NELFCD: variants seen among roughly 807,000 people sequenced by gnomAD.
NELFCD encodes negative elongation factor C/D.
Under a neutral mutation model 72.9 loss-of-function variants are expected in NELFCD, and 48 were observed. That is an observed-to-expected ratio of 0.66 (90% confidence interval 0.52 to 0.84). NELFCD has a LOEUF of 0.84. Among genes scored for constraint, NELFCD ranks in the 40% least tolerant of loss-of-function variants. The probability of loss-of-function intolerance (pLI) is 0.00; values close to 1 mark genes in which losing one functional copy is unlikely to be tolerated. For missense variants in NELFCD, 538 were observed against 723.8 expected (o/e 0.74, Z 2.94); for synonymous variants, 297 against 280.6 (o/e 1.06, Z -0.59).
rs1340446786 is a variant in NELFCD at position 58,992,056 on chromosome 20, T to A, written c.1229+36T>A. On this transcript the variant is annotated intron_variant, in intron 10 of 14. Coordinates refer to ENST00000652272, the MANE Select transcript of NELFCD (RefSeq NM_198976.4). Reference sequence around the variant, plus strand: ...CGAAACTCAGTTCTTAAATCAGTCCTTTGGGGAGGAGGTCGTTTGAGTTTT... The same window carrying A: ...CGAAACTCAGTTCTTAAATCAGTCCATTGGGGAGGAGGTCGTTTGAGTTTT... 3.8e-6 allele frequency: 6 copies of A among 1,558,782 alleles called. No individual in the cohort carries two copies. In the South Asian group the frequency reaches 6.0e-5, roughly 16 times the overall value.
In NELFCD at chr20:58,989,562, G is replaced by T. The variant is rs543319457; in HGVS notation, c.579G>T (p.Ser193=). 1.2e-6 allele frequency: 2 copies of T among 1,614,140 alleles called. No homozygotes were observed. Among genetic ancestry groups the T allele is most frequent in the Non-Finnish European group, 1.7e-6 (2 of 1,180,024 alleles). ...CATGCCAGCAGCTAGAAGTGTTCTC[G>T]AGAGTGCTCCGGACCTCTCTAGCTA... ...STACQQLEVF[S]RVLRTSLATI... Residue 193 remains serine (S), a synonymous_variant, in exon 6 of 15, where the codon TCG becomes TCT. Transcript: ENST00000652272.
intron 4 of NELFCD, 77 bp downstream of exon 4, chr20:58,987,894 C>A: frequency 9.3e-7 from 1 of 1,073,788 alleles, no homozygotes; most frequent in Non-Finnish European, 1.4e-6. Flanking sequence ...TGGAGCGTGG[C>A]ATATCATGTA....
intron 4 of NELFCD, 77 bp from the exon 5 acceptor site, chr20:58,988,837 T>A (rs1041755827): frequency 1.9e-6 from 2 of 1,063,402 alleles, no homozygotes; most frequent in Non-Finnish European, 2.9e-6. Context: ...TCTCCTGTGA[T>A]CGTTTATACA....
intron 10 of NELFCD, among the ~76,000 whole-genome samples, chr20:58,992,675 A>T (rs163783): frequency 1.3e-3 from 203 of 152,038 alleles, no homozygotes; most frequent in African/African-American, 4.3e-3. Flanking sequence ...GCAAGAAAAT[A>T]GTTTGAGCCC....
At position 58,994,146 on chromosome 20, in the gene NELFCD, T is replaced by C; in HGVS notation, c.1618T>C (p.Phe540Leu). The change falls in exon 14 of 15, where the codon TTC (phenylalanine) becomes CTC (leucine). Residue 540 changes from phenylalanine (F) to leucine (L), a missense_variant. Around this residue, in one of 3 missense-constraint regions of NELFCD, gnomAD observed 136 missense variants for 154.0 expected, o/e 0.88. Transcript: ENST00000652272. Reference sequence around the variant, plus strand: ...CATTGCTCCTCCTTATACCTCTGACTTCGTGCAACTTTTCCTCCCCATCCT... The same window carrying C: ...CATTGCTCCTCCTTATACCTCTGACCTCGTGCAACTTTTCCTCCCCATCCT... ...DVIAPPYTSD[F>L]VQLFLPILEN... The C allele has an allele frequency of 1.2e-6, 2 of 1,614,214 alleles. No individual in the cohort carries two copies. The highest frequency in any genetic ancestry group is 1.7e-6 in the Non-Finnish European group (2 of 1,180,022).
intron 10 of NELFCD, 125 bp from the exon 11 acceptor site, chr20:58,992,873 G>C (rs2091827945): frequency 9.2e-6 from 6 of 655,278 alleles, no homozygotes; most frequent in Non-Finnish European, 1.6e-5. Context: ...AAAAGGGTTG[G>C]GGGGCGTATT....
At chr20:58,990,856 C>T (rs1043416) in intron 7 of NELFCD, 54 bp from the exon 8 acceptor site, 2 of 1,495,570 alleles carry the variant, frequency 1.3e-6, no homozygotes, top group Non-Finnish European at 1.8e-6. Flanking sequence ...TAAAAAAGAA[C>T]AGAAAAAAGA....
chr20:58,986,667 AAACCTGAT>A lies in NELFCD; in HGVS notation c.177-86_177-79del. The A allele has an allele frequency of 1.0e-6, 1 of 977,336 alleles. No individual in the cohort carries two copies. The highest frequency in any genetic ancestry group is 1.7e-5 in the Admixed American group (1 of 58,620). The allele number at this position is 977,336 out of a possible 1,614,324, so 60.5% of individuals were successfully genotyped here. On this transcript the variant is annotated intron_variant, in intron 2 of 14. Coordinates refer to ENST00000652272, the MANE Select transcript of NELFCD (RefSeq NM_198976.4). This position sits in a 1 kb window ranked among gnomAD's most constrained non-coding sequence, Gnocchi z 4.4. ...CCCCTCCGCTGCTTTAAAAATTTTG[AAACCTGAT>A]TCTCTTCCTCCTTCCTTACCTTCCT... is the stretch of plus-strand genomic sequence containing the variant.
chr20:58,986,470 G>T lies in NELFCD; in HGVS notation c.176+262G>T. On this transcript the variant is annotated intron_variant, in intron 2 of 14. Coordinates refer to ENST00000652272, the MANE Select transcript of NELFCD (RefSeq NM_198976.4). This position sits in a 1 kb window ranked among gnomAD's most constrained non-coding sequence, Gnocchi z 4.4. The stretch of plus-strand genomic sequence containing the variant: ...AGTTCTCCCACCTCAGCCTTGCAAG[G>T]TGGCCACCACAGGCGTCTGCCATCA... 3.7e-6 allele frequency: 2 copies of T among 545,714 alleles called. No homozygotes were observed. The highest frequency in any genetic ancestry group is 6.4e-6 in the Non-Finnish European group (2 of 312,544). 33.8% of individuals were successfully genotyped at this position (545,714 alleles called of 1,614,324 possible).
At chr20:58,988,314 T>C (rs928326776) in intron 4 of NELFCD, among the ~76,000 whole-genome samples, 1 of 152,286 alleles carries the variant, frequency 6.6e-6, no homozygotes, top group Non-Finnish European at 1.5e-5. Context: ...TCCAGAACGT[T>C]CCAGCCATAT....
rs2091831638 is a variant in NELFCD, at chr20:58,993,397, G to A, written c.1345-52G>A. The A allele has an allele frequency of 2.2e-5, 34 of 1,553,142 alleles. No homozygotes were observed. Among genetic ancestry groups the A allele is most frequent in the Non-Finnish European group, 2.7e-5 (30 of 1,130,156 alleles). On this transcript the variant is annotated intron_variant, in intron 11 of 14. Coordinates refer to ENST00000652272, the MANE Select transcript of NELFCD (RefSeq NM_198976.4). This position sits in a 1 kb window ranked among gnomAD's most constrained non-coding sequence, Gnocchi z 5.0. ...CTGTGACAGTGCCCAGTTTCTCTGT[G>A]TGCTGAGCGTGACCACACTGCTCAG...
At chr20:58,988,296 G>C (rs577832921) in intron 4 of NELFCD, among the ~76,000 whole-genome samples, 16 of 152,326 alleles carry the variant, frequency 1.1e-4, no homozygotes, top group Non-Finnish European at 1.9e-4. Context: ...TTAGGCTGCA[G>C]TGCAGTTTCC....
chr20:58,985,317 G>A (rs2091763916), intron 1 of NELFCD, among the ~76,000 whole-genome samples: 1 of 152,204 alleles, frequency 6.6e-6, no homozygotes, highest in Non-Finnish European at 1.5e-5. Flanking sequence ...CTTCTTTGAT[G>A]GAAAAAGCCT....
chr20:58,983,678 C>T (rs776088835), intron 1 of NELFCD, among the ~76,000 whole-genome samples: 8 of 152,142 alleles, frequency 5.3e-5, no homozygotes, highest in Non-Finnish European at 1.0e-4. Flanking sequence ...TGCCCGCCTC[C>T]GCCTCTCAAA....
At position 58,994,800 on chromosome 20, in the gene NELFCD, G is replaced by C; in HGVS notation, c.*124G>C. ...AAATGGGCACCGCTGGGAGGAGGTG[G>C]ATGACTTCTTTACAAAGGAAAATGG... On this transcript the variant is annotated 3_prime_UTR_variant, in exon 15 of 15. Coordinates refer to ENST00000652272, the MANE Select transcript of NELFCD (RefSeq NM_198976.4). The C allele has an allele frequency of 1.3e-6, 1 of 773,774 alleles. No individual in the cohort carries two copies. The highest frequency in any genetic ancestry group is 1.5e-5 in the South Asian group (1 of 65,110). 47.9% of individuals were successfully genotyped at this position (773,774 alleles called of 1,614,324 possible).
chr20:58,992,871 T>C (rs2091827902), intron 10 of NELFCD, 127 bp from the exon 11 acceptor site: 1 of 604,376 alleles, frequency 1.7e-6, no homozygotes. Context: ...AAAAAAGGGT[T>C]GGGGGGCGTA....
intron 1 of NELFCD, among the ~76,000 whole-genome samples, chr20:58,981,668 T>A (rs1283255117): frequency 6.6e-6 from 1 of 151,280 alleles, no homozygotes; most frequent in African/African-American, 2.4e-5. Context: ...ACCCCCTCGC[T>A]CCGGCCAGGC....
intron 3 of NELFCD, chr20:58,987,150 TG>T (rs2091778579): frequency 8.5e-6 from 3 of 351,612 alleles, no homozygotes; most frequent in Non-Finnish European, 1.5e-5. Flanking sequence ...TTATACAGTG[TG>T]TGTTCAGTGT....
At chr20:58,990,022 C>T (rs774890170) in intron 7 of NELFCD, 34 bp downstream of exon 7, 2 of 1,604,190 alleles carry the variant, frequency 1.2e-6, no homozygotes, top group South Asian at 1.1e-5. Flanking sequence ...GCCCTTCCTT[C>T]CTAGTGCTCC....
Sources: allele counts gnomAD v4.1 joint callset (sites outside exome capture counted in the v4.1 genomes callset), GRCh38; gene constraint gnomAD v4.1.1; regional missense constraint gnomAD v4.1.1; non-coding constraint Gnocchi (gnomAD v3.1); transcripts MANE v1.5; gene names NCBI Gene and HGNC (gene_info 2026-07-23, HGNC 2026-07-21).